SERPINB13: variants seen among roughly 807,000 people sequenced by gnomAD.
The protein encoded by SERPINB13 is serpin B13.
In SERPINB13, 26 loss-of-function variants were observed where a neutral mutation model predicts 31.2. The observed-to-expected ratio is 0.83, with a 90% CI of 0.61 to 1.15. The LOEUF (loss-of-function observed/expected upper bound fraction) is 1.15, where lower values mean the gene tolerates loss of function less well. Among genes scored for constraint, SERPINB13 ranks in the 50% most tolerant of loss-of-function variants. The pLI, the probability that SERPINB13 is intolerant of heterozygous loss-of-function variation, is 0.00. For synonymous variants in SERPINB13, 191 were observed against 172.4 expected (o/e 1.11, Z -0.85); for missense variants, 510 against 469.4 (o/e 1.09, Z -0.80).
In SERPINB13 at chr18:63,597,467, C is replaced by T; in HGVS notation, c.*104C>T. 8.2e-7 allele frequency: 1 copy of T among 1,221,276 alleles called. No individual in the cohort carries two copies. The allele number at this position is 1,221,276 out of a possible 1,614,324, so 75.7% of individuals were successfully genotyped here. ...ATTCTTTTAAATGTTGTCTCACTTG[C>T]ATTTCCAGTCTTGGCCATCAAATCA... On this transcript the variant is annotated 3_prime_UTR_variant, in exon 8 of 8. Coordinates refer to ENST00000344731, the MANE Select transcript of SERPINB13 (RefSeq NM_012397.4).
chr18:63,588,261 G>A (rs1911625597), intron 1 of SERPINB13, among the ~76,000 whole-genome samples: 1 of 152,174 alleles, frequency 6.6e-6, no homozygotes, highest in African/African-American at 2.4e-5. Flanking sequence ...CTTATCATGG[G>A]CCCCACATCT....
chr18:63,596,413 T>A (rs1361983578), intron 7 of SERPINB13, among the ~76,000 whole-genome samples: 1 of 152,238 alleles, frequency 6.6e-6, no homozygotes, highest in Non-Finnish European at 1.5e-5. Context: ...ATGCCCAGTT[T>A]GAAATTCATC....
chr18:63,590,919 G>A (rs541823738), intron 3 of SERPINB13, among the ~76,000 whole-genome samples: 142 of 152,296 alleles, frequency 9.3e-4, no homozygotes, highest in Non-Finnish European at 1.7e-3. Context: ...CCCAGAGACT[G>A]GCTTGGCATG....
At position 63,597,106 on chromosome 18, in the gene SERPINB13, G is replaced by C. The variant is rs369769027; in HGVS notation, c.919G>C (p.Asp307His). 20 of 1,614,220 alleles carry C rather than the reference G, an allele frequency of 1.2e-5. No homozygotes were observed. The South Asian group carries it at 2.2e-4, about 18-fold the overall frequency. Residue 307 changes from aspartate to histidine, a missense_variant, in exon 8 of 8, where the codon GAT becomes CAT. Transcript: ENST00000344731. The stretch of plus-strand genomic sequence containing the variant: ...GGTCCTGGCTGCCATGGGGATGGGC[G>C]ATGCCTTCAGTGAGCACAAAGCCGA... Reference protein sequence around the residue: ...EAVLAAMGMGDAFSEHKADYS... With the variant: ...EAVLAAMGMGHAFSEHKADYS...
In SERPINB13 at chr18:63,596,950, TGAAAATAGA is replaced by T. The variant is rs1243719726; in HGVS notation, c.772-8_772del. ...TCATGCCATTCTACTCTTCTTTTTT[TGAAAATAGA>T]TAATAGATAAAATAAGTCCTGAGAA... On this transcript the variant is annotated splice_acceptor_variant and splice_polypyrimidine_tract_variant and coding_sequence_variant and intron_variant, in exon 8 of 8. Transcript: ENST00000344731. LOFTEE classifies it high-confidence loss of function. 6.3e-6 allele frequency: 10 copies of T among 1,581,050 alleles called. No individual in the cohort carries two copies. The Admixed American group carries it at 1.1e-4, about 17-fold the overall frequency.
Position 63,592,922 on chromosome 18 carries a change from C to T in SERPINB13, c.423C>T (p.Ala141=), listed in dbSNP as rs150453343. Residue 141 remains alanine, a synonymous_variant, in exon 5 of 8, where the codon GCC becomes GCT. Transcript: ENST00000344731. ...SLEPVDFVNA[A]DESRKKINSW... The stretch of plus-strand genomic sequence containing the variant: ...AACCTGTTGATTTTGTAAATGCAGC[C>T]GATGAAAGTCGAAAGAAGATTAATT... 2.2e-5 allele frequency: 35 copies of T among 1,612,854 alleles called. 1 individual carries two copies. The Middle Eastern group carries it at 4.9e-4, about 23-fold the overall frequency.
chr18:63,598,909 A>G lies in SERPINB13; in HGVS notation c.*1546A>G, dbSNP rs565225428. On this transcript the variant is annotated 3_prime_UTR_variant, in exon 8 of 8. Transcript: ENST00000344731. ...CTAGTGTCTTCAAATCCTCACCAAC[A>G]TCCAGGATTGTGTCTTTATGATTAT... 1 of 152,292 alleles carries G rather than the reference A, an allele frequency of 6.6e-6. No homozygotes were observed. Among genetic ancestry groups the G allele is most frequent in the East Asian group, 1.9e-4 (1 of 5,168 alleles). 9.4% of individuals were successfully genotyped at this position (152,292 alleles called of 1,614,324 possible).
Position 63,592,458 on chromosome 18 carries a change from A to T in SERPINB13, c.336A>T (p.Lys112Asn). 1 of 1,613,534 alleles carries T rather than the reference A, an allele frequency of 6.2e-7. No homozygotes were observed. Residue 112 changes from lysine (K) to asparagine (N), a missense_variant, in exon 4 of 8, where the codon AAA (lysine) becomes AAT (asparagine). Coordinates refer to ENST00000344731, the MANE Select transcript of SERPINB13 (RefSeq NM_012397.4). ...LNITNRLFGEKTYLFLQKYLD... is the reference protein window; with the variant it reads ...LNITNRLFGENTYLFLQKYLD... The stretch of plus-strand genomic sequence containing the variant: ...TAACCAACAGGCTGTTTGGAGAAAA[A>T]ACATACCTCTTCCTTCAAGTAAGTT...
chr18:63,597,123 C>G lies in SERPINB13; in HGVS notation c.936C>G (p.His312Gln). The change falls in exon 8 of 8, where the codon CAC (histidine) becomes CAG (glutamine). Residue 312 changes from histidine to glutamine, a missense_variant. Transcript: ENST00000344731. ...AMGMGDAFSEHKADYSGMSSG... is the reference protein window; with the variant it reads ...AMGMGDAFSEQKADYSGMSSG... ...GGATGGGCGATGCCTTCAGTGAGCA[C>G]AAAGCCGACTACTCGGGAATGTCGT... 6.2e-7 allele frequency: 1 copy of G among 1,614,180 alleles called. No individual in the cohort carries two copies. The highest frequency in any genetic ancestry group is 8.5e-7 in the Non-Finnish European group (1 of 1,180,042).
rs1912255405 is a variant in SERPINB13, at chr18:63,597,466, G to A, written c.*103G>A. ...CATTCTTTTAAATGTTGTCTCACTT[G>A]CATTTCCAGTCTTGGCCATCAAATC... On this transcript the variant is annotated 3_prime_UTR_variant, in exon 8 of 8. Transcript: ENST00000344731. 1.6e-6 allele frequency: 2 copies of A among 1,233,620 alleles called. No individual in the cohort carries two copies. The highest frequency in any genetic ancestry group is 2.3e-6 in the Non-Finnish European group (2 of 887,900). The allele number at this position is 1,233,620 out of a possible 1,614,324, so 76.4% of individuals were successfully genotyped here.
chr18:63,595,159 C>T lies in SERPINB13; in HGVS notation c.746C>T (p.Pro249Leu), dbSNP rs1318263564. 6.2e-7 allele frequency: 1 copy of T among 1,613,324 alleles called. No homozygotes were observed. Among genetic ancestry groups the T allele is most frequent in the Non-Finnish European group, 8.5e-7 (1 of 1,179,750 alleles). ...NNDLSMFVLLPNDIDGLEKII... is the reference protein window; with the variant it reads ...NNDLSMFVLLLNDIDGLEKII... ...GACCTAAGCATGTTTGTGCTTCTGC[C>T]CAACGACATCGATGGCCTGGAGAAG... Residue 249 changes from proline to leucine, a missense_variant, in exon 7 of 8, where the codon CCC becomes CTC. By Grantham distance (98) the Pro-to-Leu change is moderately conservative. Coordinates refer to ENST00000344731, the MANE Select transcript of SERPINB13 (RefSeq NM_012397.4).
At chr18:63,595,542 C>T (rs1437062737) in intron 7 of SERPINB13, among the ~76,000 whole-genome samples, 2 of 152,082 alleles carry the variant, frequency 1.3e-5, no homozygotes, top group Non-Finnish European at 2.9e-5. Context: ...GCTTTTGGAG[C>T]TTTTGAATTT....
In SERPINB13 at chr18:63,597,654, C is replaced by T. The variant is rs1438974643; in HGVS notation, c.*291C>T. ...TTGGTATCTTGTAGTTTTGTGCACA[C>T]GAAAGGAGAGAAAGTCTCTCCAGTA... On this transcript the variant is annotated 3_prime_UTR_variant, in exon 8 of 8. Coordinates refer to ENST00000344731, the MANE Select transcript of SERPINB13 (RefSeq NM_012397.4). 1.3e-5 allele frequency: 4 copies of T among 303,418 alleles called. No individual in the cohort carries two copies. The highest frequency in any genetic ancestry group is 1.8e-5 in the Non-Finnish European group (3 of 162,706). The allele number at this position is 303,418 out of a possible 1,614,324, so 18.8% of individuals were successfully genotyped here.
intron 3 of SERPINB13, among the ~76,000 whole-genome samples, chr18:63,591,156 G>GA (rs1911827919): frequency 1.3e-5 from 2 of 152,090 alleles, no homozygotes; most frequent in Non-Finnish European, 2.9e-5. Context: ...CCTCAGAGAG[G>GA]AAGTCCCACT....
chr18:63,598,464 G>A lies in SERPINB13; in HGVS notation c.*1101G>A, dbSNP rs1912316227. ...CCTAGGCACCACTGAGTTGTTTTCT[G>A]TCTTTATAAGTTTTTCTTTCTACAT... On this transcript the variant is annotated 3_prime_UTR_variant, in exon 8 of 8. Transcript: ENST00000344731. 3 of 152,030 alleles carry A rather than the reference G, an allele frequency of 2.0e-5. No individual in the cohort carries two copies. Among genetic ancestry groups the A allele is most frequent in the African/African-American group, 7.2e-5 (3 of 41,404 alleles). The allele number at this position is 152,030 out of a possible 1,614,324, so 9.4% of individuals were successfully genotyped here. A position where few individuals can be genotyped will look rare whatever the true frequency, so the allele number is the denominator to read the frequency against.
intron 5 of SERPINB13, chr18:63,594,097 A>T: frequency 7.6e-7 from 1 of 1,321,466 alleles, no homozygotes; most frequent in South Asian, 1.2e-5. Context: ...GGCAAACTGG[A>T]TGCTAACAGA....
intron 6 of SERPINB13, 40 bp downstream of exon 6, chr18:63,594,537 G>A: frequency 6.2e-7 from 1 of 1,603,398 alleles, no homozygotes; most frequent in Non-Finnish European, 8.5e-7. Context: ...GCTTACACAT[G>A]GAATGTAAAG....
rs1911945340 is a variant in SERPINB13 at position 63,592,978 on chromosome 18, T to G, written c.472+7T>G. Reference sequence around the variant, plus strand: ...GTTGAAAGCAAAACAAATGGTAGAGTATGGGTGGGTCATTCATTGCAAAAA... The same window carrying G: ...GTTGAAAGCAAAACAAATGGTAGAGGATGGGTGGGTCATTCATTGCAAAAA... On this transcript the variant is annotated splice_region_variant and intron_variant, in intron 5 of 7. Coordinates refer to ENST00000344731, the MANE Select transcript of SERPINB13 (RefSeq NM_012397.4). 6.6e-7 allele frequency: 1 copy of G among 1,518,556 alleles called. No homozygotes were observed. The highest frequency in any genetic ancestry group is 9.0e-7 in the Non-Finnish European group (1 of 1,111,478). The allele number at this position is 1,518,556 out of a possible 1,614,324, so 94.1% of individuals were successfully genotyped here. A position where few individuals can be genotyped will look rare whatever the true frequency, so the allele number is the denominator to read the frequency against.
rs992361351 is a variant in SERPINB13 at position 63,597,579 on chromosome 18, T to A, written c.*216T>A. ...TTCTTTGTGCCATGCGTAAGGTGAG[T>A]CAAACCAAACCTCATTGATAATCTC... On this transcript the variant is annotated 3_prime_UTR_variant, in exon 8 of 8. Transcript: ENST00000344731. 2.6e-5 allele frequency: 14 copies of A among 531,708 alleles called. No homozygotes were observed. The highest frequency in any genetic ancestry group is 9.5e-4 in the Middle Eastern group (2 of 2,114). 32.9% of individuals were successfully genotyped at this position (531,708 alleles called of 1,614,324 possible).
Sources: allele counts gnomAD v4.1 joint callset (sites outside exome capture counted in the v4.1 genomes callset), GRCh38; gene constraint gnomAD v4.1.1; transcripts MANE v1.5; gene names NCBI Gene and HGNC (gene_info 2026-07-23, HGNC 2026-07-21).